PDE1A: variants seen among roughly 807,000 people sequenced by gnomAD.
The protein encoded by PDE1A is phosphodiesterase 1A.
Under a neutral mutation model 61.7 loss-of-function variants are expected in PDE1A, and 35 were observed. The observed-to-expected ratio is 0.57, with a 90% CI of 0.43 to 0.75. The LOEUF is 0.75. Ranked by LOEUF, PDE1A falls within the 30% of genes least tolerant of loss-of-function variation. PDE1A has a pLI of 0.00. For synonymous variants in PDE1A, 232 were observed against 213.2 expected (o/e 1.09, Z -0.77); for missense variants, 597 against 630.6 (o/e 0.95, Z 0.57).
intron 1 of PDE1A, among the ~76,000 whole-genome samples, chr2:182,308,366 T>C (rs755242048): frequency 5.9e-5 from 9 of 152,150 alleles, no homozygotes; most frequent in Non-Finnish European, 1.0e-4. Flanking sequence ...ACTTTTAAAT[T>C]GCTAAAAATA....
intron 6 of PDE1A, among the ~76,000 whole-genome samples, chr2:182,226,364 A>G (rs1689141630): frequency 1.3e-5 from 2 of 149,764 alleles, no homozygotes; most frequent in African/African-American, 5.1e-5. Context: ...GCCTCCCATA[A>G]ATAGTACTTT....
chr2:182,668,643 G>C, the PDE1A span, among the ~76,000 whole-genome samples: 3 of 152,060 alleles, frequency 2.0e-5, no homozygotes, highest in African/African-American at 7.2e-5. Context: ...GTGAAATATG[G>C]CTTTATTCTC....
chr2:182,612,289 G>T, the PDE1A span, among the ~76,000 whole-genome samples: 1 of 152,100 alleles, frequency 6.6e-6, no homozygotes, highest in Non-Finnish European at 1.5e-5. Context: ...GACAAAAAAA[G>T]GTCTGAGTGA....
At chr2:182,181,936 C>A (rs928165494) in intron 13 of PDE1A, among the ~76,000 whole-genome samples, 1 of 152,192 alleles carries the variant, frequency 6.6e-6, no homozygotes, top group African/African-American at 2.4e-5. Flanking sequence ...GTCCTTCATT[C>A]CTGTGGTGAT....
intron 2 of PDE1A, among the ~76,000 whole-genome samples, chr2:182,509,366 T>C (rs1689639613): frequency 6.6e-6 from 1 of 152,184 alleles, no homozygotes; most frequent in African/African-American, 2.4e-5. Context: ...ACATGATAAC[T>C]CCATTTGGTA....
chr2:182,252,782 C>A (rs1340514776), intron 2 of PDE1A, among the ~76,000 whole-genome samples: 1 of 152,172 alleles, frequency 6.6e-6, no homozygotes, highest in Non-Finnish European at 1.5e-5. Context: ...CTGTGTGGAA[C>A]TGACTAATGT....
chr2:182,532,696 G>A, the PDE1A span, among the ~76,000 whole-genome samples: 2 of 152,012 alleles, frequency 1.3e-5, no homozygotes, highest in Non-Finnish European at 2.9e-5. Context: ...AGTGGCTCAC[G>A]CCTGTAATCC....
chr2:182,398,574 T>A (rs1701832537), intron 1 of PDE1A, among the ~76,000 whole-genome samples: 1 of 151,980 alleles, frequency 6.6e-6, no homozygotes, highest in African/African-American at 2.4e-5. Flanking sequence ...ATTTTCAGCA[T>A]CCTCAATTGA....
At chr2:182,363,821 T>G (rs959932929) in intron 1 of PDE1A, among the ~76,000 whole-genome samples, 8 of 151,982 alleles carry the variant, frequency 5.3e-5, no homozygotes, top group Non-Finnish European at 7.4e-5. Flanking sequence ...GAATTAGAAA[T>G]TAACAAGGCA....
chr2:182,295,088 G>A (rs1361112297), intron 1 of PDE1A, among the ~76,000 whole-genome samples: 1 of 9,508 alleles, frequency 1.1e-4, no homozygotes, highest in Non-Finnish European at 2.6e-4. Context: ...TTTTTTTTGA[G>A]ATGGAGTCTC....
At chr2:182,169,959 C>G (rs1443426054) in intron 13 of PDE1A, among the ~76,000 whole-genome samples, 2 of 132,472 alleles carry the variant, frequency 1.5e-5, no homozygotes, top group Non-Finnish European at 3.1e-5. Context: ...CTCTCTTTCT[C>G]TTTCATACAC....
At chr2:182,686,894 G>C in the PDE1A span, among the ~76,000 whole-genome samples, 1 of 152,226 alleles carries the variant, frequency 6.6e-6, no homozygotes, top group Non-Finnish European at 1.5e-5. Flanking sequence ...CCCGCGCATG[G>C]CTTGGAGGGT....
At chr2:182,632,012 C>G in the PDE1A span, among the ~76,000 whole-genome samples, 7 of 152,096 alleles carry the variant, frequency 4.6e-5, no homozygotes, top group Non-Finnish European at 1.0e-4. Context: ...TTTCTTTTTC[C>G]CTTTTTCATA....
intron 1 of PDE1A, among the ~76,000 whole-genome samples, chr2:182,399,261 G>A (rs1701870198): frequency 6.6e-6 from 1 of 151,198 alleles, no homozygotes; most frequent in Admixed American, 6.6e-5. Context: ...CACTTTTTTG[G>A]TATAAAATTC....
At chr2:182,422,634 T>C (rs956023086) in intron 1 of PDE1A, among the ~76,000 whole-genome samples, 3 of 152,198 alleles carry the variant, frequency 2.0e-5, no homozygotes, top group African/African-American at 4.8e-5. Flanking sequence ...ATTATTTTAC[T>C]AAAGTTATAT....
At chr2:182,346,582 T>C (rs1374037011) in intron 1 of PDE1A, among the ~76,000 whole-genome samples, 1 of 148,232 alleles carries the variant, frequency 6.7e-6, no homozygotes, top group African/African-American at 2.5e-5. Context: ...TCTAAAGGTA[T>C]AAAAGAGTAT....
chr2:182,503,783 G>C (rs545964786), intron 2 of PDE1A, among the ~76,000 whole-genome samples: 1 of 152,188 alleles, frequency 6.6e-6, no homozygotes, highest in African/African-American at 2.4e-5. Context: ...TCTTTTGCCT[G>C]ATTATGTAAC....
the PDE1A span, among the ~76,000 whole-genome samples, chr2:182,679,277 G>A: frequency 5.6e-4 from 84 of 151,008 alleles, 2 homozygotes; most frequent in African/African-American, 1.8e-3. Flanking sequence ...TCCGCCTCCC[G>A]GGTTAACGTC....
the PDE1A span, among the ~76,000 whole-genome samples, chr2:182,704,185 T>C: frequency 4.5e-5 from 6 of 133,862 alleles, no homozygotes; most frequent in Non-Finnish European, 9.2e-5. Flanking sequence ...CACTCCAGTC[T>C]CAGCAAGAGA....
Sources: allele counts gnomAD v4.1 joint callset (sites outside exome capture counted in the v4.1 genomes callset), GRCh38; gene constraint gnomAD v4.1.1; transcripts MANE v1.5; gene names NCBI Gene and HGNC (gene_info 2026-07-23, HGNC 2026-07-21).